The following SRFBP1 variants were observed in gnomAD, a reference collection of about 807,000 sequenced individuals.
The protein encoded by SRFBP1 is serum response factor-binding protein 1.
Under a neutral mutation model 45.5 loss-of-function variants are expected in SRFBP1, and 47 were observed. That is an observed-to-expected ratio of 1.03 (90% CI 0.82 to 1.32). The LOEUF (loss-of-function observed/expected upper bound fraction) is 1.32, where lower values mean the gene tolerates loss of function less well. SRFBP1 is among the 40% of genes most tolerant of loss of function. The pLI is 0.00. For synonymous variants in SRFBP1, 203 were observed against 166.3 expected (o/e 1.22, Z -1.70); for missense variants, 621 against 484.6 (o/e 1.28, Z -2.64).
chr5:122,038,982 TCTC>T (rs1303498382), intron 2 of SRFBP1, among the ~76,000 whole-genome samples: 1 of 151,816 alleles, frequency 6.6e-6, no homozygotes, highest in Non-Finnish European at 1.5e-5. Flanking sequence ...AAAAAAAAAA[TCTC>T]CAAGAGGATG....
At chr5:122,034,339 T>C (rs1753649255) in intron 2 of SRFBP1, among the ~76,000 whole-genome samples, 1 of 152,198 alleles carries the variant, frequency 6.6e-6, no homozygotes, top group African/African-American at 2.4e-5. Flanking sequence ...TTCGTTATAA[T>C]GTGTTTACTG....
rs1241980419 is a variant in SRFBP1, at chr5:122,001,539, T to C, written c.270+6869T>C. On this transcript the variant is annotated intron_variant, in intron 4 of 7. Coordinates refer to ENST00000339397, the MANE Select transcript of SRFBP1 (RefSeq NM_152546.3). ...GGCAGTTAAGAAGCCAAGTCATCCT[T>C]TGGTATCTTTTTTTTTTTTTTTTTT... 2.0e-5 allele frequency among the ~76,000 whole-genome samples: 3 copies of C among 149,062 alleles called. No homozygotes were observed. The East Asian group carries it at 5.8e-4, about 29-fold the overall frequency.
At chr5:122,044,302 C>T (rs1753815963) in intron 2 of SRFBP1, among the ~76,000 whole-genome samples, 1 of 152,132 alleles carries the variant, frequency 6.6e-6, no homozygotes. Flanking sequence ...AATAGGGCTG[C>T]AGTGAACATA....
At chr5:121,973,567 C>T (rs1311831015) in intron 1 of SRFBP1, among the ~76,000 whole-genome samples, 6 of 146,130 alleles carry the variant, frequency 4.1e-5, no homozygotes, top group African/African-American at 1.3e-4. Flanking sequence ...CATTGTTCTC[C>T]AGTAGGGTGA....
intron 2 of SRFBP1, among the ~76,000 whole-genome samples, 193 bp from the exon 3 acceptor site, chr5:121,975,122 C>T (rs1752275470): frequency 1.3e-5 from 2 of 151,844 alleles, no homozygotes; most frequent in African/African-American, 2.4e-5. Flanking sequence ...TGCCATTTTC[C>T]AACATATGGG....
At chr5:122,024,091 A>G (rs1395860405) in intron 7 of SRFBP1, among the ~76,000 whole-genome samples, 1 of 152,200 alleles carries the variant, frequency 6.6e-6, no homozygotes, top group African/African-American at 2.4e-5. Flanking sequence ...CTAAACCTTA[A>G]GTTCCCAAAT....
intron 4 of SRFBP1, among the ~76,000 whole-genome samples, chr5:122,018,666 A>G (rs1291451836): frequency 2.0e-5 from 3 of 152,220 alleles, no homozygotes; most frequent in African/African-American, 7.2e-5. Context: ...GTCAGCCTTC[A>G]TACGGCATTT....
intron 1 of SRFBP1, among the ~76,000 whole-genome samples, chr5:121,965,100 G>A (rs1035680173): frequency 5.3e-5 from 8 of 152,100 alleles, no homozygotes; most frequent in South Asian, 2.1e-4. Context: ...CCCTTTGTCC[G>A]ATGGATAGAT....
chr5:121,978,319 T>G (rs185824163), intron 3 of SRFBP1, among the ~76,000 whole-genome samples: 41 of 152,322 alleles, frequency 2.7e-4, no homozygotes, highest in Non-Finnish European at 5.4e-4. Flanking sequence ...ACTGCTTCAG[T>G]AAGTTGAGAA....
intron 2 of SRFBP1, among the ~76,000 whole-genome samples, chr5:122,071,281 A>G (rs1754444682): frequency 6.6e-6 from 1 of 152,022 alleles, no homozygotes. Context: ...TAGATGAGAA[A>G]ACTAAGGCAC....
chr5:121,992,501 T>C (rs1215696101), intron 3 of SRFBP1, among the ~76,000 whole-genome samples: 3 of 152,084 alleles, frequency 2.0e-5, no homozygotes, highest in Non-Finnish European at 4.4e-5. Flanking sequence ...TAATCCAGGA[T>C]AATAACTCCA....
At chr5:122,004,956 C>G (rs1408954693) in intron 4 of SRFBP1, among the ~76,000 whole-genome samples, 2 of 152,064 alleles carry the variant, frequency 1.3e-5, no homozygotes, top group African/African-American at 4.8e-5. Flanking sequence ...GTGAATTTTT[C>G]AAAAATTCCT....
chr5:122,008,487 C>T (rs898414022), intron 4 of SRFBP1, among the ~76,000 whole-genome samples: 1 of 152,148 alleles, frequency 6.6e-6, no homozygotes, highest in East Asian at 1.9e-4. Flanking sequence ...AAGTATTTCT[C>T]TCCATGGTTT....
chr5:122,050,442 G>T (rs181436126), intron 2 of SRFBP1, among the ~76,000 whole-genome samples: 298 of 152,182 alleles, frequency 2.0e-3, no homozygotes, highest in African/African-American at 6.9e-3. Flanking sequence ...TCTATTCAGG[G>T]ATTCAGCTTC....
intron 2 of SRFBP1, among the ~76,000 whole-genome samples, chr5:122,056,154 T>C (rs1003159708): frequency 3.9e-5 from 6 of 152,102 alleles, no homozygotes; most frequent in Non-Finnish European, 7.4e-5. Context: ...CCGTTCTATC[T>C]TCTCTCTCTT....
chr5:122,039,792 A>T (rs1188669505), intron 2 of SRFBP1, among the ~76,000 whole-genome samples: 1 of 152,190 alleles, frequency 6.6e-6, no homozygotes, highest in Non-Finnish European at 1.5e-5. Flanking sequence ...CTGTTACTGT[A>T]GTTAGGATTA....
At chr5:122,034,207 A>T (rs1418762300) in intron 2 of SRFBP1, among the ~76,000 whole-genome samples, 1 of 152,154 alleles carries the variant, frequency 6.6e-6, no homozygotes, top group African/African-American at 2.4e-5. Context: ...CCAAATGAAG[A>T]TCTTTTCCAT....
chr5:121,990,868 A>G (rs1050892287), intron 3 of SRFBP1, among the ~76,000 whole-genome samples: 3 of 152,214 alleles, frequency 2.0e-5, no homozygotes, highest in Non-Finnish European at 2.9e-5. Flanking sequence ...TGTTCCCAAC[A>G]AGCTGGTTAG....
downstream of SRFBP1, among the ~76,000 whole-genome samples, chr5:122,030,246 A>G (rs1372733011): frequency 1.3e-5 from 2 of 152,262 alleles, no homozygotes; most frequent in Admixed American, 6.5e-5. Context: ...CAGCAATCCA[A>G]GAAGTATTTA....
Sources: gnomAD v4.1 joint callset for allele counts (sites outside exome capture counted in the v4.1 genomes callset) on GRCh38, gnomAD v4.1.1 for gene constraint, MANE v1.5 for transcripts, NCBI Gene and HGNC (gene_info 2026-07-23, HGNC 2026-07-21) for gene names.